The following SNX21 variants were observed in gnomAD, a reference collection of about 807,000 sequenced individuals.
SNX21 encodes the protein sorting nexin-21.
A neutral mutation model predicts 30.9 loss-of-function variants in SNX21; 36 were observed. That is an observed-to-expected ratio of 1.16 (90% CI 0.89 to 1.54). The LOEUF (loss-of-function observed/expected upper bound fraction) is 1.54. SNX21 is among the 40% of genes most tolerant of loss of function. SNX21 has a pLI of 0.00. For missense variants in SNX21, 508 were observed against 516.5 expected (o/e 0.98, Z 0.16); for synonymous variants, 218 against 222.7 (o/e 0.98, Z 0.19).
chr20:45,839,000 TCTC>T (rs1368829461), intron 3 of SNX21, among the ~76,000 whole-genome samples: 1 of 151,506 alleles, frequency 6.6e-6, no homozygotes, highest in Non-Finnish European at 1.5e-5. Context: ...TTCAAGCAAT[TCTC>T]CTGCCTCAGC....
Position 45,841,275 on chromosome 20 carries a change from A to G in SNX21, c.1084A>G (p.Ser362Gly). 5 of 1,585,052 alleles carry G rather than the reference A, an allele frequency of 3.2e-6. No homozygotes were observed. The highest frequency in any genetic ancestry group is 1.9e-5 in the Admixed American group (1 of 53,192). ...AGGCCTTACCCCCACACCACCCCCC[A>G]GTCTCAAAGAATTGCTCATCAAGGA... ...EAGLTPTPPPSLKELLIKEVL... is the reference protein window; with the variant it reads ...EAGLTPTPPPGLKELLIKEVL... The change falls in exon 4 of 4, where the codon AGT becomes GGT. Residue 362 changes from serine (S) to glycine (G), a missense_variant. Physicochemically the swap from Ser to Gly is moderately conservative, Grantham distance 56. Transcript: ENST00000491381.
chr20:45,840,765 G>C lies in SNX21; in HGVS notation c.574G>C (p.Ala192Pro). The C allele has an allele frequency of 1.2e-6, 2 of 1,614,152 alleles. No individual in the cohort carries two copies. The highest frequency in any genetic ancestry group is 1.7e-6 in the Non-Finnish European group (2 of 1,180,048). Residue 192 changes from alanine (A) to proline (P), a missense_variant, in exon 4 of 4, where the codon GCC becomes CCC. Physicochemically the swap from Ala to Pro is conservative, Grantham distance 27. Coordinates refer to ENST00000491381, the MANE Select transcript of SNX21 (RefSeq NM_033421.4). ...LQRQFRGPMA[A>P]ISFPRKRLRR... ...GCGGCAATTCCGGGGCCCAATGGCT[G>C]CCATCTCCTTCCCCCGTAAGCGGCT...
In SNX21 at chr20:45,841,309, A is replaced by AT. The variant is rs746565501; in HGVS notation, c.1118_1119insT (p.Ter374LeufsTer5). 66 of 1,551,214 alleles carry AT rather than the reference A, an allele frequency of 4.3e-5. 1 individual carries two copies. The highest frequency in any genetic ancestry group is 3.4e-4 in the South Asian group (27 of 80,358). On this transcript the variant is annotated frameshift_variant, in exon 4 of 4. Coordinates refer to ENST00000491381, the MANE Select transcript of SNX21 (RefSeq NM_033421.4). LOFTEE classifies it high-confidence loss of function. Reference sequence around the variant, plus strand: ...GAATTGCTCATCAAGGAGGTGCTGGACTAACCCTTGCCTAGATTTAAGGCC... The same window carrying AT: ...GAATTGCTCATCAAGGAGGTGCTGGATCTAACCCTTGCCTAGATTTAAGGCC...
intron 3 of SNX21, among the ~76,000 whole-genome samples, chr20:45,836,363 C>T (rs896916042): frequency 1.1e-4 from 17 of 151,836 alleles, no homozygotes; most frequent in East Asian, 1.9e-4. Context: ...TGGTGGCAGG[C>T]GCCTGTAGTC....
Position 45,835,333 on chromosome 20 carries a change from C to T in SNX21, c.447+217C>T, listed in dbSNP as rs184969531. Reference sequence around the variant, plus strand: ...GACTGAAGTGGGGATTAAGGACCTTCCTCTTAACCTGGTTTTGAGACTAAG... The same window carrying T: ...GACTGAAGTGGGGATTAAGGACCTTTCTCTTAACCTGGTTTTGAGACTAAG... On this transcript the variant is annotated intron_variant, in intron 3 of 3. Coordinates refer to ENST00000491381, the MANE Select transcript of SNX21 (RefSeq NM_033421.4). Among the ~76,000 whole-genome samples, 227 of 152,332 alleles carry T rather than the reference C, an allele frequency of 1.5e-3. 1 individual carries two copies. Among genetic ancestry groups the T allele is most frequent in the South Asian group, 5.0e-3 (24 of 4,826 alleles).
intron 3 of SNX21, among the ~76,000 whole-genome samples, chr20:45,837,229 A>G (rs920470974): frequency 2.6e-5 from 4 of 152,230 alleles, no homozygotes; most frequent in African/African-American, 9.6e-5. Flanking sequence ...GGCTTATTAT[A>G]TAGACCAGTG....
chr20:45,836,352 A>C (rs1472374184), intron 3 of SNX21, among the ~76,000 whole-genome samples: 3 of 151,916 alleles, frequency 2.0e-5, no homozygotes, highest in Non-Finnish European at 4.4e-5. Flanking sequence ...ATAGCCGGGC[A>C]TGGTGGCAGG....
rs370136124 is a variant in SNX21 at position 45,842,009 on chromosome 20, CT to C, written c.*709del. 0.046 allele frequency: 54,181 copies of C among 1,180,902 alleles called. 1,286 individuals are homozygous for C. Among genetic ancestry groups the C allele is most frequent in the African/African-American group, 0.26 (17,195 of 67,274 alleles). 73.2% of individuals were successfully genotyped at this position (1,180,902 alleles called of 1,614,324 possible). Reference sequence around the variant, plus strand: ...GCCTGCTTCAGAACAGCCAAATACACTTTTTTTTTTTTTCCTGAAACAGAGT... The same window carrying C: ...GCCTGCTTCAGAACAGCCAAATACACTTTTTTTTTTTTCCTGAAACAGAGT... On this transcript the variant is annotated 3_prime_UTR_variant, in exon 4 of 4. Coordinates refer to ENST00000491381, the MANE Select transcript of SNX21 (RefSeq NM_033421.4).
chr20:45,836,614 C>T (rs550398836), intron 3 of SNX21, among the ~76,000 whole-genome samples: 1 of 152,166 alleles, frequency 6.6e-6, no homozygotes, highest in East Asian at 1.9e-4. Flanking sequence ...TATCCTCCCA[C>T]CTCAGCCTCC....
At chr20:45,839,593 G>T in intron 3 of SNX21, among the ~76,000 whole-genome samples, 1 of 152,068 alleles carries the variant, frequency 6.6e-6, no homozygotes, top group East Asian at 1.9e-4. Flanking sequence ...TAGTCAGAAA[G>T]ATTAAAAAAC....
chr20:45,838,432 T>A, intron 3 of SNX21: 1 of 142,046 alleles, frequency 7.0e-6, no homozygotes, highest in Non-Finnish European at 1.6e-5. Flanking sequence ...ACGTGGAAAG[T>A]CTCACTTGCC....
chr20:45,834,497 C>T (rs757791833), intron 2 of SNX21, 29 bp downstream of exon 2: 89 of 1,568,770 alleles, frequency 5.7e-5, no homozygotes, highest in Non-Finnish European at 7.4e-5. Flanking sequence ...AGGCGGGAAC[C>T]CTGGGGCTCG....
In SNX21 at chr20:45,840,781, G is replaced by A. The variant is rs543231945; in HGVS notation, c.590G>A (p.Arg197His). 30 of 1,613,902 alleles carry A rather than the reference G, an allele frequency of 1.9e-5. No individual in the cohort carries two copies. The highest frequency in any genetic ancestry group is 4.5e-5 in the East Asian group (2 of 44,882). ...RGPMAAISFP[R>H]KRLRRNFTAE... ...CCAATGGCTGCCATCTCCTTCCCCC[G>A]TAAGCGGCTGCGCCGGAATTTTACT... The change falls in exon 4 of 4, where the codon CGT becomes CAT. Residue 197 changes from arginine to histidine, a missense_variant. Arg to His is a conservative substitution (Grantham distance 29). Coordinates refer to ENST00000491381, the MANE Select transcript of SNX21 (RefSeq NM_033421.4).
intron 2 of SNX21, 87 bp downstream of exon 2, chr20:45,834,555 G>A: frequency 7.6e-6 from 11 of 1,444,938 alleles, no homozygotes; most frequent in South Asian, 1.4e-5. Context: ...AGGGCGCTAA[G>A]TTGATCCAGC....
In SNX21 at chr20:45,834,248, C is replaced by A; in HGVS notation, c.69C>A (p.Ala23=). The A allele has an allele frequency of 1.3e-6, 2 of 1,573,030 alleles. No homozygotes were observed. The highest frequency in any genetic ancestry group is 8.6e-7 in the Non-Finnish European group (1 of 1,166,840). Residue 23 remains alanine, a synonymous_variant, in exon 2 of 4, where the codon GCC becomes GCA. Coordinates refer to ENST00000491381, the MANE Select transcript of SNX21 (RefSeq NM_033421.4). ...TGCACCGGCTGCGGCACGCCTTGGC[C>A]GGCGACGGCCCCGGGGAGGCGGCGG... ...RLLHRLRHAL[A]GDGPGEAAAS... is the part of the protein sequence containing the mutation.
chr20:45,840,859 T>G lies in SNX21; in HGVS notation c.668T>G (p.Leu223Arg), dbSNP rs1984031510. Residue 223 changes from leucine (L) to arginine (R), a missense_variant, in exon 4 of 4, where the codon CTG becomes CGG. Physicochemically the swap from Leu to Arg is moderately radical, Grantham distance 102. Coordinates refer to ENST00000491381, the MANE Select transcript of SNX21 (RefSeq NM_033421.4). ...SRAFEQFLGH[L>R]QAVPELRHAP... Reference sequence around the variant, plus strand: ...GCCTTTGAGCAGTTTTTGGGTCACCTGCAGGCAGTGCCTGAGCTGCGCCAT... The same window carrying G: ...GCCTTTGAGCAGTTTTTGGGTCACCGGCAGGCAGTGCCTGAGCTGCGCCAT... 2 of 1,613,772 alleles carry G rather than the reference T, an allele frequency of 1.2e-6. No homozygotes were observed. Among genetic ancestry groups the G allele is most frequent in the Non-Finnish European group, 1.7e-6 (2 of 1,180,032 alleles).
intron 1 of SNX21, 129 bp from the exon 2 acceptor site, chr20:45,834,072 G>A: frequency 2.1e-6 from 3 of 1,400,682 alleles, no homozygotes; most frequent in Non-Finnish European, 2.8e-6. Flanking sequence ...CAAGACCTCG[G>A]ACTGCCAGGG....
At position 45,842,832 on chromosome 20, in the gene SNX21, C is replaced by T; in HGVS notation, c.*1519C>T. 1.0e-6 allele frequency: 1 copy of T among 994,162 alleles called. No individual in the cohort carries two copies. Among genetic ancestry groups the T allele is most frequent in the Non-Finnish European group, 1.2e-6 (1 of 834,638 alleles). The allele number at this position is 994,162 out of a possible 1,614,324, so 61.6% of individuals were successfully genotyped here. A position where few individuals can be genotyped will look rare whatever the true frequency, so the allele number is the denominator to read the frequency against. On this transcript the variant is annotated 3_prime_UTR_variant, in exon 4 of 4. Coordinates refer to ENST00000491381, the MANE Select transcript of SNX21 (RefSeq NM_033421.4). ...GTGATGCTATTGGTACTTGAGAATA[C>T]CCCTTATCTGAGTATAAAGAATCCT... is the stretch of plus-strand genomic sequence containing the variant.
chr20:45,841,033 G>T lies in SNX21; in HGVS notation c.842G>T (p.Arg281Leu). Residue 281 changes from arginine (R) to leucine (L), a missense_variant, in exon 4 of 4, where the codon CGC becomes CTC. Physicochemically the swap from Arg to Leu is moderately radical, Grantham distance 102. Transcript: ENST00000491381. ...AQLGTPSGPD[R>L]PLLTLAGLAV... ...CTGGGCACCCCCTCTGGCCCAGACC[G>T]CCCCCTGCTGACCCTGGCTGGGCTG... is the stretch of plus-strand genomic sequence containing the variant. 1 of 1,609,084 alleles carries T rather than the reference G, an allele frequency of 6.2e-7. No homozygotes were observed.
Sources: allele counts gnomAD v4.1 joint callset (sites outside exome capture counted in the v4.1 genomes callset), GRCh38; gene constraint gnomAD v4.1.1; transcripts MANE v1.5; gene names NCBI Gene and HGNC (gene_info 2026-07-23, HGNC 2026-07-21).